DCDC2: variants seen among roughly 807,000 people sequenced by gnomAD.
The protein encoded by DCDC2 is doublecortin domain containing 2, also known as doublecortin domain-containing protein 2.
A neutral mutation model predicts 50.2 loss-of-function variants in DCDC2; 40 were observed. The ratio of observed to expected loss-of-function variants is 0.80; its 90% CI spans 0.62 to 1.04. The LOEUF (loss-of-function observed/expected upper bound fraction) is 1.04. DCDC2 is among the 50% of genes least tolerant of loss of function. The probability of loss-of-function intolerance (pLI) is 0.00; values close to 1 mark genes in which losing one functional copy is unlikely to be tolerated. For missense variants in DCDC2, 570 were observed against 581.9 expected (o/e 0.98, Z 0.21); for synonymous variants, 234 against 210.6 (o/e 1.11, Z -0.96).
intron 7 of DCDC2, among the ~76,000 whole-genome samples, chr6:24,224,070 G>GA (rs11347981): frequency 1.4e-4 from 21 of 148,076 alleles, no homozygotes; most frequent in Admixed American, 6.7e-4. Context: ...TCTCAAGACA[G>GA]AAAAAAAAAA....
At chr6:24,298,230 T>C (rs910670619) in intron 4 of DCDC2, among the ~76,000 whole-genome samples, 11 of 152,096 alleles carry the variant, frequency 7.2e-5, no homozygotes, top group Admixed American at 6.5e-5. Context: ...TGACAGGGGG[T>C]GGAGTGCAGG....
intron 7 of DCDC2, among the ~76,000 whole-genome samples, chr6:24,265,464 G>A (rs929915607): frequency 6.6e-6 from 1 of 152,022 alleles, no homozygotes; most frequent in African/African-American, 2.4e-5. Context: ...CAGAACACAC[G>A]TTCTTCTCAC....
chr6:24,273,255 T>C (rs1210097554), intron 7 of DCDC2, among the ~76,000 whole-genome samples: 1 of 152,110 alleles, frequency 6.6e-6, no homozygotes, highest in Non-Finnish European at 1.5e-5. Context: ...GAGGGTAGAA[T>C]GACAGACACT....
chr6:24,359,405 T>TA (rs560680932), upstream of DCDC2, among the ~76,000 whole-genome samples: 20 of 63,118 alleles, frequency 3.2e-4, no homozygotes, highest in East Asian at 2.8e-3. Flanking sequence ...TATATATATT[T>TA]TATATATTAT....
chr6:24,326,166 A>AAAGGAAGGAAGGAAGGAAGGAAGGAAGG (rs143866897), intron 2 of DCDC2, among the ~76,000 whole-genome samples: 7 of 127,134 alleles, frequency 5.5e-5, no homozygotes, highest in African/African-American at 2.0e-4. Context: ...GAGAGGAAGG[A>AAAGGAAGGAAGGAAGGAAGGAAGGAAGG]AAGGAAGGAA....
At chr6:24,199,690 G>C (rs796579927) in intron 8 of DCDC2, among the ~76,000 whole-genome samples, 1 of 152,210 alleles carries the variant, frequency 6.6e-6, no homozygotes, top group Non-Finnish European at 1.5e-5. Context: ...GCAGGCTTCA[G>C]AAGGTGGGTA....
chr6:24,184,341 G>C (rs1761145666), intron 8 of DCDC2, among the ~76,000 whole-genome samples: 1 of 152,124 alleles, frequency 6.6e-6, no homozygotes, highest in Non-Finnish European at 1.5e-5. Flanking sequence ...GGAGGCTGAG[G>C]CAGGAGGATT....
At chr6:24,353,974 G>C (rs1261288199) in intron 1 of DCDC2, among the ~76,000 whole-genome samples, 1 of 152,146 alleles carries the variant, frequency 6.6e-6, no homozygotes, top group Non-Finnish European at 1.5e-5. Context: ...CTGCTTAACT[G>C]TTCCATTAAA....
intron 7 of DCDC2, among the ~76,000 whole-genome samples, chr6:24,266,128 A>T (rs935392197): frequency 3.3e-5 from 5 of 152,154 alleles, no homozygotes; most frequent in Admixed American, 1.3e-4. Flanking sequence ...TGCTGGGAAA[A>T]CTGGATATCC....
chr6:24,285,713 T>A (rs1763590042), intron 6 of DCDC2, among the ~76,000 whole-genome samples: 1 of 152,010 alleles, frequency 6.6e-6, no homozygotes, highest in African/African-American at 2.4e-5. Context: ...AAGCAGGAAA[T>A]GCTCTACACA....
At chr6:24,219,197 G>C (rs1762045011) in intron 7 of DCDC2, among the ~76,000 whole-genome samples, 1 of 152,036 alleles carries the variant, frequency 6.6e-6, no homozygotes, top group African/African-American at 2.4e-5. Context: ...AGGATAAGTG[G>C]GAATGCTGAT....
chr6:24,284,229 A>AC (rs1374410994), intron 6 of DCDC2, among the ~76,000 whole-genome samples: 1 of 152,148 alleles, frequency 6.6e-6, no homozygotes, highest in African/African-American at 2.4e-5. Flanking sequence ...TATATCACAT[A>AC]CCTGTACGTG....
chr6:24,290,861 G>T, intron 5 of DCDC2, 71 bp downstream of exon 5: 2 of 1,296,688 alleles, frequency 1.5e-6, no homozygotes, highest in South Asian at 1.4e-5. Flanking sequence ...ATATAATGGT[G>T]GTCAGCAAAA....
chr6:24,176,523 T>C (rs10946683), intron 9 of DCDC2, among the ~76,000 whole-genome samples: 110,841 of 152,120 alleles, frequency 0.73, 42,824 homozygotes, highest in East Asian at 0.97. Flanking sequence ...ATTGTATGTT[T>C]ATAGCATACA....
Position 24,299,584 on chromosome 6 carries a change from T to C in DCDC2, c.557+2131A>G, listed in dbSNP as rs372261872. 7.9e-5 allele frequency among the ~76,000 whole-genome samples: 12 copies of C among 152,324 alleles called. No homozygotes were observed. In the East Asian group the frequency reaches 1.9e-3, roughly 24 times the overall value. ...TGTTGCCCAACTAAAAATTTCTTAATGAAAAAATTAGGATTTGGAATACTT... is the reference window on the plus strand; with the variant it reads ...TGTTGCCCAACTAAAAATTTCTTAACGAAAAAATTAGGATTTGGAATACTT... On this transcript the variant is annotated intron_variant, in intron 4 of 9. Coordinates refer to ENST00000378454, the MANE Select transcript of DCDC2 (RefSeq NM_016356.5).
intron 2 of DCDC2, among the ~76,000 whole-genome samples, chr6:24,316,282 G>C (rs1280607159): frequency 6.6e-6 from 1 of 152,128 alleles, no homozygotes; most frequent in East Asian, 1.9e-4. Flanking sequence ...GAAGAGAGTA[G>C]AAAGCAAAGA....
At chr6:24,321,695 T>C (rs909965693) in intron 2 of DCDC2, among the ~76,000 whole-genome samples, 2 of 152,176 alleles carry the variant, frequency 1.3e-5, no homozygotes, top group Non-Finnish European at 1.5e-5. Context: ...CTCTTTGAAA[T>C]GCAAAAAGCA....
intron 8 of DCDC2, among the ~76,000 whole-genome samples, chr6:24,183,067 A>T (rs1461586671): frequency 6.6e-6 from 1 of 152,230 alleles, no homozygotes. Flanking sequence ...ATACTGTATG[A>T]TTCTACATGT....
chr6:24,319,311 T>TAAAC (rs1380516424), intron 2 of DCDC2, among the ~76,000 whole-genome samples: 5 of 151,828 alleles, frequency 3.3e-5, no homozygotes, highest in African/African-American at 1.2e-4. Flanking sequence ...TTTTTTGAGT[T>TAAAC]GTTTGAGTCC....
Sources: allele counts gnomAD v4.1 joint callset (sites outside exome capture counted in the v4.1 genomes callset), GRCh38; gene constraint gnomAD v4.1.1; transcripts MANE v1.5; gene names NCBI Gene and HGNC (gene_info 2026-07-23, HGNC 2026-07-21).